The following NSUN6 variants were observed in gnomAD, a reference collection of about 807,000 sequenced individuals.
NSUN6 encodes the protein tRNA (cytosine(72)-C(5))-methyltransferase NSUN6.
NSUN6 carries 64 observed loss-of-function variants against 58.0 expected under a neutral mutation model. The observed-to-expected ratio is 1.10, with a 90% CI of 0.90 to 1.36. The LOEUF (loss-of-function observed/expected upper bound fraction) is 1.36, where lower values mean the gene tolerates loss of function less well. NSUN6 is among the 40% of genes most tolerant of loss of function. The pLI is 0.00. For missense variants in NSUN6, 701 were observed against 550.1 expected, an observed-to-expected ratio of 1.27 and a Z score of -2.74; for synonymous variants, 231 against 193.9, an observed-to-expected ratio of 1.19 and a Z score of -1.59.
chr10:18,556,246 C>CAGTGGT, intron 8 of NSUN6, among the ~76,000 whole-genome samples: 1 of 138,108 alleles, frequency 7.2e-6, no homozygotes, highest in East Asian at 2.3e-4. Context: ...GAATGGAATG[C>CAGTGGT]GAATAGAATG....
intron 7 of NSUN6, among the ~76,000 whole-genome samples, chr10:18,595,191 C>T (rs1205875223): frequency 6.6e-6 from 1 of 152,186 alleles, no homozygotes; most frequent in Non-Finnish European, 1.5e-5. Context: ...GTGAGCCCAG[C>T]AGGGATCAGC....
chr10:18,551,627 T>A (rs376493229), intron 9 of NSUN6, 196 bp downstream of exon 9: 1 of 426,082 alleles, frequency 2.3e-6, no homozygotes, highest in Non-Finnish European at 4.1e-6. Context: ...CAGAATCTCA[T>A]TCCCTTTGAA....
chr10:18,607,405 A>G lies in NSUN6; in HGVS notation c.657+2440T>C, dbSNP rs1190835180. Among the ~76,000 whole-genome samples, 6 of 152,318 alleles carry G rather than the reference A, an allele frequency of 3.9e-5. 1 individual carries two copies. The highest frequency in any genetic ancestry group is 2.0e-4 in the Admixed American group (3 of 15,296). ...TTCAAAATTTTCCTTAGAGAAATGA[A>G]TATCACCTGGTTCTGGTCTGCATTG... On this transcript the variant is annotated intron_variant, in intron 6 of 10. Transcript: ENST00000377304.
In NSUN6 at chr10:18,631,812, A is replaced by G. The variant is rs1396888685; in HGVS notation, c.311+10664T>C. ...CATGGGTAGGAAGAATCAATATCGT[A>G]AAAATGGCCATACTGCCCAAGGTAA... On this transcript the variant is annotated intron_variant, in intron 3 of 10. Transcript: ENST00000377304. Among the ~76,000 whole-genome samples the G allele has an allele frequency of 2.7e-4, 41 of 152,142 alleles. 1 individual carries two copies. The highest frequency in any genetic ancestry group is 4.3e-4 in the African/African-American group (18 of 41,512).
At chr10:18,647,506 A>T (rs1260002430) in intron 2 of NSUN6, among the ~76,000 whole-genome samples, 1 of 152,214 alleles carries the variant, frequency 6.6e-6, no homozygotes, top group Non-Finnish European at 1.5e-5. Context: ...AGTATATACA[A>T]GATAACTCAA....
intron 3 of NSUN6, among the ~76,000 whole-genome samples, chr10:18,624,373 A>C (rs2058712518): frequency 6.6e-6 from 1 of 152,050 alleles, no homozygotes; most frequent in South Asian, 2.1e-4. Flanking sequence ...AAAGTGACCA[A>C]GACAGGCCTA....
intron 8 of NSUN6, among the ~76,000 whole-genome samples, chr10:18,584,063 A>C (rs1323046857): frequency 2.0e-5 from 3 of 152,030 alleles, no homozygotes; most frequent in Non-Finnish European, 4.4e-5. Context: ...TGCAGACCAA[A>C]CCATACTGGC....
intron 6 of NSUN6, among the ~76,000 whole-genome samples, chr10:18,597,048 AAAAC>A (rs769764830): frequency 1.2e-4 from 18 of 152,176 alleles, no homozygotes; most frequent in South Asian, 2.1e-4. Flanking sequence ...CTAAAATGCA[AAAAC>A]AAACAAACAA....
chr10:18,652,680 C>G, upstream of NSUN6: 5 of 607,550 alleles, frequency 8.2e-6, no homozygotes, highest in Non-Finnish European at 1.0e-5. Context: ...CTGCCTTGGC[C>G]TCCCGAGTAG....
intron 8 of NSUN6, among the ~76,000 whole-genome samples, chr10:18,564,029 T>C (rs115582618): frequency 0.028 from 4,248 of 151,124 alleles, 217 homozygotes; most frequent in South Asian, 0.16. Context: ...CTCCATTACA[T>C]TTTACATTCC....
intron 7 of NSUN6, among the ~76,000 whole-genome samples, chr10:18,587,916 G>GT (rs2131136146): frequency 6.6e-6 from 1 of 152,022 alleles, no homozygotes; most frequent in African/African-American, 2.4e-5. Context: ...TGGAACCCCA[G>GT]TAAGACAGAA....
chr10:18,595,786 ATGTATG>A (rs1379565272), intron 7 of NSUN6, among the ~76,000 whole-genome samples: 1 of 152,130 alleles, frequency 6.6e-6, no homozygotes, highest in Non-Finnish European at 1.5e-5. Flanking sequence ...AATATTCTAT[ATGTATG>A]TGTATATGTT....
intron 5 of NSUN6, among the ~76,000 whole-genome samples, chr10:18,611,864 C>G (rs1319305197): frequency 6.6e-6 from 1 of 152,124 alleles, no homozygotes; most frequent in Non-Finnish European, 1.5e-5. Context: ...AGCCACCATG[C>G]CTGGCGCCCT....
Position 18,559,093 on chromosome 10 carries a change from GA to G in NSUN6, c.923-7123del, listed in dbSNP as rs61723698. ...ATGGAATGGAATGGAGAATGGAATG[GA>G]ATTGGAAATGGAGGAGAATTGAATG... On this transcript the variant is annotated intron_variant, in intron 8 of 10. Coordinates refer to ENST00000377304, the MANE Select transcript of NSUN6 (RefSeq NM_182543.5). Among the ~76,000 whole-genome samples the G allele has an allele frequency of 5.3e-5, 8 of 151,692 alleles. No individual in the cohort carries two copies. In the East Asian group the frequency reaches 1.5e-3, roughly 29 times the overall value.
At position 18,648,482 on chromosome 10, in the gene NSUN6, C is replaced by T. The variant is rs2059612600; in HGVS notation, c.231+8G>A. ...ATTATGTACAAATGACAGAAAATTT[C>T]CACAAACCTTCTGAAGTTCATCAAG... On this transcript the variant is annotated splice_region_variant and intron_variant, in intron 2 of 10. Coordinates refer to ENST00000377304, the MANE Select transcript of NSUN6 (RefSeq NM_182543.5). 3 of 1,575,252 alleles carry T rather than the reference C, an allele frequency of 1.9e-6. No homozygotes were observed. The highest frequency in any genetic ancestry group is 2.6e-6 in the Non-Finnish European group (3 of 1,152,924).
At chr10:18,568,914 C>T (rs1332061072) in intron 8 of NSUN6, among the ~76,000 whole-genome samples, 1 of 151,582 alleles carries the variant, frequency 6.6e-6, no homozygotes, top group Admixed American at 6.6e-5. Flanking sequence ...ACTCTCCATT[C>T]CATTCCATTC....
intron 7 of NSUN6, among the ~76,000 whole-genome samples, chr10:18,592,929 C>A (rs752219052): frequency 1.3e-5 from 2 of 152,116 alleles, no homozygotes; most frequent in African/African-American, 4.8e-5. Flanking sequence ...AGGCAACCTA[C>A]AGATTGGGAG....
rs80247227 is a variant in NSUN6 at position 18,549,264 on chromosome 10, C to T, written c.1072-1027G>A. On this transcript the variant is annotated intron_variant, in intron 9 of 10. Transcript: ENST00000377304. ...CTGACCTCCTCCTGTACACCTCTTA[C>T]TCTGGCCCATTTGACTTTGGCAACA... Among the ~76,000 whole-genome samples, 301 of 152,276 alleles carry T rather than the reference C, an allele frequency of 2.0e-3. 4 individuals are homozygous for T. In the South Asian group the frequency reaches 0.033, roughly 17 times the overall value.
chr10:18,641,731 C>G (rs1283059789), intron 3 of NSUN6, among the ~76,000 whole-genome samples: 1 of 152,084 alleles, frequency 6.6e-6, no homozygotes, highest in Admixed American at 6.6e-5. Context: ...ACGCGCAGAA[C>G]ATAAATGGGA....
Sources: allele counts gnomAD v4.1 joint callset (sites outside exome capture counted in the v4.1 genomes callset), GRCh38; gene constraint gnomAD v4.1.1; transcripts MANE v1.5; gene names NCBI Gene and HGNC (gene_info 2026-07-23, HGNC 2026-07-21).